The following SHROOM2 variants were observed in gnomAD, a reference collection of about 807,000 sequenced individuals.
SHROOM2 encodes shroom family member 2, also known as protein Shroom2.
In SHROOM2, 33 loss-of-function variants were observed where a neutral mutation model predicts 75.9. That is an observed-to-expected ratio of 0.43 (90% confidence interval 0.33 to 0.58). SHROOM2 has a LOEUF of 0.58. SHROOM2 is among the 20% of genes least tolerant of loss of function. The pLI is 0.04. For missense variants in SHROOM2, 1,434 were observed against 1,461.2 expected (o/e 0.98, Z 0.30); for synonymous variants, 655 against 663.6 (o/e 0.99, Z 0.20).
At chrX:9,941,883 A>G (rs1173838994) in intron 8 of SHROOM2, among the ~76,000 whole-genome samples, 2 of 105,444 alleles carry the variant, frequency 1.9e-5, no homozygotes, top group Non-Finnish European at 3.9e-5. Context: ...AGGCAGGAGA[A>G]TGGCGTGAAC....
Position 9,792,653 on chromosome X carries a change from C to T in SHROOM2, c.165+5943C>T, listed in dbSNP as rs191632659. On this transcript the variant is annotated intron_variant, in intron 1 of 9. Coordinates refer to ENST00000380913, the MANE Select transcript of SHROOM2 (RefSeq NM_001649.4). ...TTGTTGAGGTCAACAAGAACCCAGG[C>T]AGGGTAGACTCTGTGTCCTTGAAAG... is the stretch of plus-strand genomic sequence containing the variant. Among the ~76,000 whole-genome samples the T allele has an allele frequency of 4.6e-5, 5 of 109,490 alleles. No individual in the cohort carries two copies. In the East Asian group the frequency reaches 1.1e-3, roughly 25 times the overall value.
intron 8 of SHROOM2, among the ~76,000 whole-genome samples, chrX:9,942,512 T>C (rs761887940): frequency 1.2e-4 from 14 of 112,321 alleles, no homozygotes; most frequent in Admixed American, 3.8e-4. Flanking sequence ...GGGGTTCCCA[T>C]GACCCCCTCT....
At chrX:9,934,282 G>A (rs1569176206) in intron 6 of SHROOM2, among the ~76,000 whole-genome samples, 2 of 111,764 alleles carry the variant, frequency 1.8e-5, no homozygotes, top group East Asian at 5.6e-4. Flanking sequence ...AGAAAATTCT[G>A]TGGGACCTCA....
At chrX:9,940,349 T>G (rs932565659) in intron 8 of SHROOM2, among the ~76,000 whole-genome samples, 3 of 112,183 alleles carry the variant, frequency 2.7e-5, no homozygotes, top group Non-Finnish European at 5.6e-5. Context: ...ATGCCTTTGT[T>G]TTTCATGATA....
intron 5 of SHROOM2, among the ~76,000 whole-genome samples, chrX:9,921,715 C>A (rs1307879235): frequency 8.9e-6 from 1 of 112,208 alleles, no homozygotes; most frequent in Admixed American, 9.4e-5. Context: ...TCTTTCTGTG[C>A]CTGGCTTGTC....
At position 9,786,689 on chromosome X, in the gene SHROOM2, C is replaced by A. The variant is rs1437186192; in HGVS notation, c.144C>A (p.Gly48=). ...GFTLKGGREH[G]EPLVITKIEE... Reference sequence around the variant, plus strand: ...CCCTGAAGGGCGGCCGCGAGCACGGCGAGCCGCTGGTCATCACCAAGGTAA... The same window carrying A: ...CCCTGAAGGGCGGCCGCGAGCACGGAGAGCCGCTGGTCATCACCAAGGTAA... Residue 48 remains glycine, a synonymous_variant, in exon 1 of 10, where the codon GGC becomes GGA. Coordinates refer to ENST00000380913, the MANE Select transcript of SHROOM2 (RefSeq NM_001649.4). The A allele has an allele frequency of 3.4e-6, 3 of 887,022 alleles. No individual in the cohort carries two copies. The highest frequency in any genetic ancestry group is 5.0e-4 in the Middle Eastern group (1 of 2,020). 73.1% of individuals were successfully genotyped at this position (887,022 alleles called of 1,213,427 possible).
intron 8 of SHROOM2, 23 bp from the exon 9 acceptor site, chrX:9,944,618 C>T: frequency 8.4e-7 from 1 of 1,192,206 alleles, no homozygotes; most frequent in Non-Finnish European, 1.1e-6. Context: ...CTCCGTGTTC[C>T]CTTGCCATCC....
At chrX:9,945,171 G>A (rs914773260) in intron 9 of SHROOM2, among the ~76,000 whole-genome samples, 7 of 111,093 alleles carry the variant, frequency 6.3e-5, no homozygotes, top group African/African-American at 1.6e-4. Flanking sequence ...GCAGTGGTGC[G>A]ATCTCGGCTC....
chrX:9,947,014 C>G lies in SHROOM2; in HGVS notation c.*77C>G. 2 of 986,595 alleles carry G rather than the reference C, an allele frequency of 2.0e-6. No individual in the cohort carries two copies. Among genetic ancestry groups the G allele is most frequent in the Admixed American group, 3.5e-5 (1 of 28,606 alleles). The allele number at this position is 986,595 out of a possible 1,213,427, so 81.3% of individuals were successfully genotyped here. A position where few individuals can be genotyped will look rare whatever the true frequency, so the allele number is the denominator to read the frequency against. On this transcript the variant is annotated 3_prime_UTR_variant, in exon 10 of 10. Transcript: ENST00000380913. ...GTTCCCAAGGATACTCGTGAAGACC[C>G]CATCTGTGTTCATGGCCTGGAAAGA...
chrX:9,787,454 A>G (rs1199803740), intron 1 of SHROOM2, among the ~76,000 whole-genome samples: 1 of 112,651 alleles, frequency 8.9e-6, no homozygotes, highest in Non-Finnish European at 1.9e-5. Flanking sequence ...ACACATAAAC[A>G]ACAGTCCAGT....
At chrX:9,858,411 C>A (rs1048679819) in intron 1 of SHROOM2, among the ~76,000 whole-genome samples, 10 of 112,672 alleles carry the variant, frequency 8.9e-5, no homozygotes, top group African/African-American at 3.2e-4. Flanking sequence ...CCTATCAGTT[C>A]TTTCAGATCG....
chrX:9,849,137 T>G (rs1321882804), intron 1 of SHROOM2, among the ~76,000 whole-genome samples: 4 of 111,663 alleles, frequency 3.6e-5, no homozygotes, highest in Non-Finnish European at 7.5e-5. Context: ...GCGGCCTCCT[T>G]TGGCAGATGG....
chrX:9,915,076 T>G (rs1601994748), intron 5 of SHROOM2, among the ~76,000 whole-genome samples: 1 of 112,295 alleles, frequency 8.9e-6, no homozygotes, highest in African/African-American at 3.2e-5. Flanking sequence ...CTAAGCATTC[T>G]GACCCTCCAT....
In SHROOM2 at chrX:9,839,371, G is replaced by C. The variant is rs145311105; in HGVS notation, c.166-34281G>C. 6.0e-3 allele frequency among the ~76,000 whole-genome samples: 664 copies of C among 111,338 alleles called. 6 individuals carry two copies. Among genetic ancestry groups the C allele is most frequent in the African/African-American group, 0.02 (621 of 30,640 alleles). ...TGTCACCCACATCTCCCTGGGTCTG[G>C]AATCTGACCAGAAAGGAAGCCGCAT... On this transcript the variant is annotated intron_variant, in intron 1 of 9. Transcript: ENST00000380913.
intron 1 of SHROOM2, among the ~76,000 whole-genome samples, chrX:9,858,683 T>G (rs1332740425): frequency 9.0e-6 from 1 of 111,423 alleles, no homozygotes; most frequent in East Asian, 2.8e-4. Context: ...TGGGCACCTG[T>G]AGTCCCAGCT....
chrX:9,821,111 G>A (rs918239514), intron 1 of SHROOM2, among the ~76,000 whole-genome samples: 1 of 111,603 alleles, frequency 9.0e-6, no homozygotes, highest in African/African-American at 3.3e-5. Flanking sequence ...TAGACCTACC[G>A]AACCCCAAAC....
intron 5 of SHROOM2, among the ~76,000 whole-genome samples, chrX:9,903,694 C>T (rs1266452739): frequency 9.0e-6 from 1 of 110,819 alleles, no homozygotes; most frequent in Admixed American, 9.6e-5. Context: ...TAGGTGCACA[C>T]CACCATGCCA....
At chrX:9,846,437 G>A (rs2084006986) in intron 1 of SHROOM2, among the ~76,000 whole-genome samples, 1 of 112,047 alleles carries the variant, frequency 8.9e-6, no homozygotes, top group African/African-American at 3.2e-5. Context: ...TGGGACTACA[G>A]GCACGTGCCA....
chrX:9,943,020 A>C (rs949162693), intron 8 of SHROOM2, among the ~76,000 whole-genome samples: 3 of 110,239 alleles, frequency 2.7e-5, no homozygotes, highest in Non-Finnish European at 5.7e-5. Context: ...GGCAGGTAAA[A>C]GTTTAAGACC....
Sources: allele counts gnomAD v4.1 joint callset (sites outside exome capture counted in the v4.1 genomes callset), GRCh38; gene constraint gnomAD v4.1.1; transcripts MANE v1.5; gene names NCBI Gene and HGNC (gene_info 2026-07-23, HGNC 2026-07-21).